Variants in PLXNA4 observed in about 807,000 individuals in gnomAD.
PLXNA4 encodes the protein plexin A4.
A neutral mutation model predicts 191.8 loss-of-function variants in PLXNA4; 44 were observed. The observed-to-expected ratio is 0.23, with a 90% CI of 0.18 to 0.29. The LOEUF is 0.29. Among genes scored for constraint, PLXNA4 ranks in the 10% least tolerant of loss-of-function variants. PLXNA4 has a pLI of 1.00. For synonymous variants in PLXNA4, 1,082 were observed against 1,009.5 expected, an observed-to-expected ratio of 1.07 and a Z score of -1.36; for missense variants, 1,800 against 2,488.8, an observed-to-expected ratio of 0.72 and a Z score of 5.89.
intron 3 of PLXNA4, among the ~76,000 whole-genome samples, chr7:132,405,764 C>T (rs1286510854): frequency 1.3e-5 from 2 of 152,216 alleles, no homozygotes; most frequent in Admixed American, 6.5e-5. Flanking sequence ...ATTCCTTAGA[C>T]TTCAGGTTCC....
intron 5 of PLXNA4, among the ~76,000 whole-genome samples, chr7:132,229,238 G>T (rs994452400): frequency 1.3e-5 from 2 of 152,224 alleles, no homozygotes; most frequent in Non-Finnish European, 2.9e-5. Flanking sequence ...TGGCTCTAAG[G>T]TTTGCTGTTA....
intron 25 of PLXNA4, among the ~76,000 whole-genome samples, chr7:132,151,207 A>AG (rs1331741952): frequency 1.3e-5 from 2 of 151,932 alleles, no homozygotes; most frequent in Admixed American, 1.3e-4. Flanking sequence ...GAAGAAGAGA[A>AG]GGAAGAAGAC....
chr7:132,565,242 G>A (rs1028856334), intron 1 of PLXNA4, among the ~76,000 whole-genome samples: 6 of 152,198 alleles, frequency 3.9e-5, no homozygotes, highest in African/African-American at 1.4e-4. Context: ...CTTTAAAGAG[G>A]AGAAACTGAG....
intron 13 of PLXNA4, among the ~76,000 whole-genome samples, chr7:132,197,656 C>T (rs547976454): frequency 1.2e-4 from 18 of 152,204 alleles, no homozygotes; most frequent in Middle Eastern, 3.4e-3. Context: ...CTGCTGTGAG[C>T]ATCTTGGGGA....
At chr7:132,641,061 C>T (rs1803733593) in intron 2 of PLXNA4, among the ~76,000 whole-genome samples, 2 of 152,268 alleles carry the variant, frequency 1.3e-5, no homozygotes, top group South Asian at 4.1e-4. Context: ...CTATTGCTTC[C>T]AAGACTTTCT....
intron 4 of PLXNA4, among the ~76,000 whole-genome samples, chr7:132,248,973 C>A (rs190789680): frequency 1.3e-5 from 2 of 152,344 alleles, no homozygotes; most frequent in African/African-American, 4.8e-5. Context: ...CCTCACTTGA[C>A]GGCAGACAGA....
At chr7:132,635,675 T>C (rs1803589836) in intron 2 of PLXNA4, among the ~76,000 whole-genome samples, 1 of 152,094 alleles carries the variant, frequency 6.6e-6, no homozygotes, top group South Asian at 2.1e-4. Context: ...CATGCCTCTG[T>C]CAGGCTGGCC....
At chr7:132,173,990 T>C (rs1796371394) in intron 21 of PLXNA4, among the ~76,000 whole-genome samples, 1 of 152,176 alleles carries the variant, frequency 6.6e-6, no homozygotes. Flanking sequence ...TTGTCACCTG[T>C]ATAATGGGCT....
intron 2 of PLXNA4, among the ~76,000 whole-genome samples, chr7:132,617,276 G>A (rs1020537756): frequency 5.3e-5 from 8 of 152,120 alleles, no homozygotes; most frequent in African/African-American, 7.2e-5. Context: ...GGAAAAGCAC[G>A]GGGTGGTTTG....
intron 4 of PLXNA4, among the ~76,000 whole-genome samples, chr7:132,272,713 T>G (rs1488502472): frequency 6.6e-6 from 1 of 152,214 alleles, no homozygotes; most frequent in Non-Finnish European, 1.5e-5. Flanking sequence ...ACACTTCTTA[T>G]AGCTTCCCTT....
At chr7:132,131,290 CT>C (rs1794918408) in intron 31 of PLXNA4, among the ~76,000 whole-genome samples, 1 of 152,102 alleles carries the variant, frequency 6.6e-6, no homozygotes, top group Admixed American at 6.5e-5. Context: ...AGTAAAGGCT[CT>C]GCCAGTTTCT....
intron 18 of PLXNA4, 25 bp downstream of exon 18, chr7:132,181,356 C>A: frequency 2.5e-6 from 4 of 1,612,894 alleles, no homozygotes; most frequent in African/African-American, 2.7e-5. Context: ...TTTCCCACCC[C>A]CGCCTCCCAC....
chr7:132,624,782 C>G (rs1355980312), intron 2 of PLXNA4, among the ~76,000 whole-genome samples: 1 of 152,148 alleles, frequency 6.6e-6, no homozygotes, highest in Non-Finnish European at 1.5e-5. Context: ...AGGCTCCCCA[C>G]CACCTGCCAC....
At chr7:132,458,985 T>G (rs565425411) in intron 3 of PLXNA4, among the ~76,000 whole-genome samples, 2 of 152,312 alleles carry the variant, frequency 1.3e-5, no homozygotes, top group African/African-American at 4.8e-5. Context: ...TCATTTTCCC[T>G]TCATGTCTAT....
At chr7:132,467,455 G>A (rs550953723) in intron 3 of PLXNA4, among the ~76,000 whole-genome samples, 20 of 152,084 alleles carry the variant, frequency 1.3e-4, no homozygotes, top group South Asian at 4.1e-4. Flanking sequence ...CAACTTGATC[G>A]TCCCATCCTA....
intron 2 of PLXNA4, among the ~76,000 whole-genome samples, chr7:132,627,994 T>TA (rs1241878942): frequency 6.6e-6 from 1 of 152,236 alleles, no homozygotes; most frequent in African/African-American, 2.4e-5. Context: ...ATGCATTTAA[T>TA]ATTTTCCTTC....
At chr7:132,506,666 G>A (rs1208968412) in intron 2 of PLXNA4, among the ~76,000 whole-genome samples, 3 of 152,188 alleles carry the variant, frequency 2.0e-5, no homozygotes, top group African/African-American at 4.8e-5. Context: ...GAGCTAGGCT[G>A]TGACAGGCAG....
rs566308236 is a variant in PLXNA4, at chr7:132,316,934, A to ATTGAG, written c.1372-18717_1372-18713dup. Reference sequence around the variant, plus strand: ...TTGTGCTGGGGTTGGGTTGGATTGGATTGAGTTGTATTGTGCTGCATTGGG... The same window carrying ATTGAG: ...TTGTGCTGGGGTTGGGTTGGATTGGATTGAGTTGAGTTGTATTGTGCTGCATTGGG... On this transcript the variant is annotated intron_variant, in intron 3 of 31. Coordinates refer to ENST00000321063, the MANE Select transcript of PLXNA4 (RefSeq NM_020911.2). 1.6e-3 allele frequency among the ~76,000 whole-genome samples: 248 copies of ATTGAG among 151,924 alleles called. 2 individuals are homozygous for ATTGAG. Among genetic ancestry groups the ATTGAG allele is most frequent in the African/African-American group, 5.7e-3 (238 of 41,422 alleles).
intron 3 of PLXNA4, among the ~76,000 whole-genome samples, chr7:132,479,594 G>A (rs1335550923): frequency 6.6e-6 from 1 of 152,226 alleles, no homozygotes; most frequent in African/African-American, 2.4e-5. Flanking sequence ...GGCAGTGGGT[G>A]TCCAGGAGTG....
Sources: allele counts gnomAD v4.1 joint callset (sites outside exome capture counted in the v4.1 genomes callset), GRCh38; gene constraint gnomAD v4.1.1; transcripts MANE v1.5; gene names NCBI Gene and HGNC (gene_info 2026-07-23, HGNC 2026-07-21).